GIGYF2: variants seen among roughly 807,000 people sequenced by gnomAD.
GIGYF2 encodes GRB10-interacting GYF protein 2.
Under a neutral mutation model 208.1 loss-of-function variants are expected in GIGYF2, and 25 were observed. The ratio of observed to expected loss-of-function variants is 0.12; its 90% CI spans 0.09 to 0.17. The LOEUF (loss-of-function observed/expected upper bound fraction) is 0.17, where lower values mean the gene tolerates loss of function less well. Ranked by LOEUF, GIGYF2 falls within the 10% of genes least tolerant of loss-of-function variation. GIGYF2 has a pLI of 1.00. For synonymous variants in GIGYF2, 534 were observed against 543.8 expected (o/e 0.98, Z 0.25); for missense variants, 1,302 against 1,579.4 (o/e 0.82, Z 2.98).
At chr2:232,792,219 C>T (rs1172203779) in intron 12 of GIGYF2, among the ~76,000 whole-genome samples, 1 of 152,154 alleles carries the variant, frequency 6.6e-6, no homozygotes, top group African/African-American at 2.4e-5. Context: ...TACCTTAGCA[C>T]ATCCTTTTCT....
intron 20 of GIGYF2, among the ~76,000 whole-genome samples, chr2:232,817,538 C>A: frequency 6.6e-6 from 1 of 152,146 alleles, no homozygotes; most frequent in East Asian, 1.9e-4. Flanking sequence ...AAACAAGGAG[C>A]CCCACTCCCT....
intron 9 of GIGYF2, chr2:232,788,543 T>A: frequency 2.1e-6 from 1 of 470,786 alleles, no homozygotes; most frequent in Non-Finnish European, 4.4e-6. Flanking sequence ...ATGGATAGGA[T>A]CTGGGCTGAG....
intron 3 of GIGYF2, among the ~76,000 whole-genome samples, chr2:232,740,281 G>A (rs1697924200): frequency 6.6e-6 from 1 of 152,142 alleles, no homozygotes; most frequent in Admixed American, 6.5e-5. Context: ...AACATAGTGA[G>A]AACCCGTCTT....
chr2:232,827,836 C>T (rs1701296636), intron 21 of GIGYF2, among the ~76,000 whole-genome samples: 1 of 152,172 alleles, frequency 6.6e-6, no homozygotes, highest in Non-Finnish European at 1.5e-5. Context: ...TCTCTCTGAG[C>T]ATTACTTTAA....
intron 28 of GIGYF2, among the ~76,000 whole-genome samples, chr2:232,851,685 G>C (rs898867362): frequency 6.6e-6 from 1 of 152,202 alleles, no homozygotes; most frequent in Non-Finnish European, 1.5e-5. Context: ...CTCCCAAAGT[G>C]CTGGGATTAC....
At position 232,860,411 on chromosome 2, in the gene GIGYF2, T is replaced by C. The variant is rs2106442308; in HGVS notation, c.*3551T>C. 1 of 149,566 alleles carries C rather than the reference T, an allele frequency of 6.7e-6. No individual in the cohort carries two copies. The highest frequency in any genetic ancestry group is 3.5e-3 in the Middle Eastern group (1 of 282). The allele number at this position is 149,566 out of a possible 1,614,324, so 9.3% of individuals were successfully genotyped here. ...ATATTTTTATATATACAAATATGTATATAAAAGTATATGTTTTACATTTTC... is the reference window on the plus strand; with the variant it reads ...ATATTTTTATATATACAAATATGTACATAAAAGTATATGTTTTACATTTTC... On this transcript the variant is annotated 3_prime_UTR_variant, in exon 29 of 29. Transcript: ENST00000373563.
At chr2:232,726,249 A>G (rs1411629596) in intron 2 of GIGYF2, among the ~76,000 whole-genome samples, 2 of 151,960 alleles carry the variant, frequency 1.3e-5, no homozygotes, top group South Asian at 2.1e-4. Flanking sequence ...GGCGCCTGTA[A>G]TCCCAGCTAC....
At chr2:232,750,437 A>G (rs1218572314) in intron 5 of GIGYF2, among the ~76,000 whole-genome samples, 2 of 152,070 alleles carry the variant, frequency 1.3e-5, no homozygotes, top group Non-Finnish European at 2.9e-5. Context: ...AGTGTTAGCA[A>G]TTTCTTATGT....
chr2:232,820,550 A>G (rs574522621), intron 21 of GIGYF2, among the ~76,000 whole-genome samples: 1 of 152,012 alleles, frequency 6.6e-6, no homozygotes, highest in East Asian at 1.9e-4. Flanking sequence ...TCCTGACCTC[A>G]TGATCCACCC....
intron 3 of GIGYF2, 47 bp from the exon 4 acceptor site, chr2:232,747,568 C>T: frequency 6.2e-7 from 1 of 1,610,358 alleles, no homozygotes; most frequent in Non-Finnish European, 8.5e-7. Context: ...TATAAAAAGT[C>T]TGTAGCACCA....
intron 13 of GIGYF2, 65 bp downstream of exon 13, chr2:232,795,009 T>C: frequency 3.4e-6 from 4 of 1,177,296 alleles, no homozygotes; most frequent in Admixed American, 1.7e-5. Context: ...AGGCATTGCA[T>C]GAATATTCAA....
chr2:232,757,360 T>A (rs777224627), intron 6 of GIGYF2, among the ~76,000 whole-genome samples: 44 of 149,194 alleles, frequency 2.9e-4, no homozygotes, highest in African/African-American at 4.4e-4. Context: ...TAGAGAATAT[T>A]TTTTTTTTTA....
At chr2:232,756,107 C>G (rs559232852) in intron 5 of GIGYF2, 116 bp from the exon 6 acceptor site, 1 of 651,060 alleles carries the variant, frequency 1.5e-6, no homozygotes, top group Non-Finnish European at 2.6e-6. Context: ...AATTAGATGC[C>G]TTTTTATAGA....
At chr2:232,789,470 C>T (rs1700008188) in intron 9 of GIGYF2, among the ~76,000 whole-genome samples, 4 of 152,210 alleles carry the variant, frequency 2.6e-5, no homozygotes, top group South Asian at 4.1e-4. Context: ...TAGGTTTCCA[C>T]GTAAGCAGTC....
At chr2:232,817,392 T>C (rs576203286) in intron 20 of GIGYF2, among the ~76,000 whole-genome samples, 1 of 152,360 alleles carries the variant, frequency 6.6e-6, no homozygotes, top group African/African-American at 2.4e-5. Flanking sequence ...TGTGCTAACA[T>C]ATACATAACA....
chr2:232,707,819 G>T (rs965448973), intron 2 of GIGYF2, among the ~76,000 whole-genome samples: 1 of 151,864 alleles, frequency 6.6e-6, no homozygotes, highest in Non-Finnish European at 1.5e-5. Flanking sequence ...TGTATTTTTA[G>T]TAGAGACTGG....
chr2:232,739,365 C>A (rs964593712), intron 3 of GIGYF2, among the ~76,000 whole-genome samples: 9 of 129,036 alleles, frequency 7.0e-5, no homozygotes, highest in Admixed American at 2.3e-4. Flanking sequence ...AAGCAAACCC[C>A]CCCCCCCCCG....
At chr2:232,730,487 C>A (rs1697419677) in intron 2 of GIGYF2, among the ~76,000 whole-genome samples, 1 of 151,390 alleles carries the variant, frequency 6.6e-6, no homozygotes, top group African/African-American at 2.4e-5. Context: ...TGCATGTAAT[C>A]CCAGCCACTC....
intron 23 of GIGYF2, among the ~76,000 whole-genome samples, chr2:232,843,795 C>T (rs913622355): frequency 6.6e-6 from 1 of 152,110 alleles, no homozygotes; most frequent in African/African-American, 2.4e-5. Flanking sequence ...CCACTGCACT[C>T]CAGCCTGGGC....
Sources: allele counts gnomAD v4.1 joint callset (sites outside exome capture counted in the v4.1 genomes callset), GRCh38; gene constraint gnomAD v4.1.1; transcripts MANE v1.5; gene names NCBI Gene and HGNC (gene_info 2026-07-23, HGNC 2026-07-21).